WWTR1: variants seen among roughly 807,000 people sequenced by gnomAD.
WWTR1 encodes the protein WW domain-containing transcription regulator protein 1.
A neutral mutation model predicts 40.1 loss-of-function variants in WWTR1; 13 were observed. The ratio of observed to expected loss-of-function variants is 0.32; its 90% CI spans 0.21 to 0.52. The LOEUF (loss-of-function observed/expected upper bound fraction) is 0.52. WWTR1 is among the 20% of genes least tolerant of loss of function. The pLI is 0.97. For missense variants in WWTR1, 436 were observed against 523.1 expected (o/e 0.83, Z 1.63); for synonymous variants, 230 against 210.1 (o/e 1.09, Z -0.82).
chr3:149,549,307 T>C (rs1222171877), intron 3 of WWTR1, among the ~76,000 whole-genome samples: 1 of 152,192 alleles, frequency 6.6e-6, no homozygotes, highest in Non-Finnish European at 1.5e-5. Context: ...TGACAAGTCA[T>C]GATAATGGTG....
intron 5 of WWTR1, among the ~76,000 whole-genome samples, chr3:149,714,334 C>T (rs563196833): frequency 1.3e-5 from 2 of 152,314 alleles, no homozygotes; most frequent in East Asian, 1.9e-4. Flanking sequence ...CAGAACCAGG[C>T]ATCTCTGAAC....
chr3:149,672,123 C>CA (rs146384349), intron 1 of WWTR1, among the ~76,000 whole-genome samples: 4,809 of 151,646 alleles, frequency 0.032, 156 homozygotes, highest in East Asian at 0.13. Flanking sequence ...TAAAAGGCTA[C>CA]AAAAAAACAA....
At chr3:149,617,540 CTATAAT>C (rs1740041575) in intron 2 of WWTR1, among the ~76,000 whole-genome samples, 1 of 152,220 alleles carries the variant, frequency 6.6e-6, no homozygotes, top group Non-Finnish European at 1.5e-5. Flanking sequence ...TGGCTCATGC[CTATAAT>C]CCCAGCACTT....
At chr3:149,549,563 C>A (rs921001230) in intron 3 of WWTR1, among the ~76,000 whole-genome samples, 3 of 152,172 alleles carry the variant, frequency 2.0e-5, no homozygotes, top group South Asian at 2.1e-4. Flanking sequence ...GGGGGCTGAG[C>A]GCCATGGCTC....
chr3:149,618,149 G>A (rs2108079722), intron 2 of WWTR1, among the ~76,000 whole-genome samples: 1 of 152,318 alleles, frequency 6.6e-6, no homozygotes, highest in East Asian at 1.9e-4. Flanking sequence ...CAAAGATAAA[G>A]CCTGTGCTCT....
At chr3:149,690,578 T>C (rs1714791034) in intron 1 of WWTR1, among the ~76,000 whole-genome samples, 1 of 152,184 alleles carries the variant, frequency 6.6e-6, no homozygotes, top group African/African-American at 2.4e-5. Flanking sequence ...ATTATAAATA[T>C]ATACATGCAC....
chr3:149,675,409 GCCATTTTGTAACCAAGAGGGCAGCTGGC>G (rs1417826203), intron 1 of WWTR1, among the ~76,000 whole-genome samples: 1 of 152,200 alleles, frequency 6.6e-6, no homozygotes, highest in Non-Finnish European at 1.5e-5. Context: ...ATCTCTGGCA[GCCATTTTGTAACCAAGAGGGCAGCTGGC>G]CTGAAGATGA....
chr3:149,656,944 G>A lies in WWTR1; in HGVS notation c.363C>T (p.Thr121=), dbSNP rs1175051723. The change falls in exon 2 of 7, where the codon ACC becomes ACT. Residue 121 remains threonine (T), a synonymous_variant. Transcript: ENST00000360632. The stretch of plus-strand genomic sequence containing the variant: ...AGCCCGGGGGCAGTGGCAGCTCGTC[G>A]GTCACGTCGTAGGACTGCTGGCGGA... ...AHLRQQSYDV[T]DELPLPPGWE... 1.9e-6 allele frequency: 3 copies of A among 1,577,702 alleles called. No homozygotes were observed. The highest frequency in any genetic ancestry group is 1.2e-5 in the South Asian group (1 of 86,390).
Position 149,519,150 on chromosome 3 carries a change from T to G in WWTR1, c.*1655A>C, listed in dbSNP as rs903885645. The G allele has an allele frequency of 6.6e-6, 1 of 152,174 alleles. No individual in the cohort carries two copies. Among genetic ancestry groups the G allele is most frequent in the African/African-American group, 2.4e-5 (1 of 41,460 alleles). 9.4% of individuals were successfully genotyped at this position (152,174 alleles called of 1,614,324 possible). A position where few individuals can be genotyped will look rare whatever the true frequency, so the allele number is the denominator to read the frequency against. ...ATATTAGTTCAAAATATTAAACAGT[T>G]GAGGACTTCATTGGCAATGCAGGCA... is the stretch of plus-strand genomic sequence containing the variant. On this transcript the variant is annotated 3_prime_UTR_variant, in exon 7 of 7. Coordinates refer to ENST00000360632, the MANE Select transcript of WWTR1 (RefSeq NM_015472.6).
chr3:149,564,778 AT>A (rs1407494668), intron 3 of WWTR1, among the ~76,000 whole-genome samples: 3 of 152,216 alleles, frequency 2.0e-5, no homozygotes, highest in Non-Finnish European at 4.4e-5. Context: ...TTTCAAAAAA[AT>A]AGAAGTATAA....
chr3:149,699,067 C>T (rs988827041), intron 1 of WWTR1, among the ~76,000 whole-genome samples: 2 of 152,216 alleles, frequency 1.3e-5, no homozygotes, highest in African/African-American at 4.8e-5. Context: ...TATTCTGCAG[C>T]CTGCTTGTGT....
intron 3 of WWTR1, among the ~76,000 whole-genome samples, chr3:149,559,696 C>T (rs935428918): frequency 1.3e-5 from 2 of 152,178 alleles, no homozygotes; most frequent in Non-Finnish European, 1.5e-5. Context: ...GGCCATTGTT[C>T]TGTGGCACTG....
chr3:149,618,390 A>T lies in WWTR1; in HGVS notation c.431+38486T>A, dbSNP rs1362092063. On this transcript the variant is annotated intron_variant, in intron 2 of 6. Transcript: ENST00000360632. ...GGAGAACAACATCTCTCGAGCATCC[A>T]TCTGTGCTGGTCTTGGTGCCAGCGA... 2.6e-5 allele frequency among the ~76,000 whole-genome samples: 4 copies of T among 152,162 alleles called. No individual in the cohort carries two copies. The East Asian group carries it at 7.7e-4, about 29-fold the overall frequency.
chr3:149,534,214 T>A (rs1023415965), intron 4 of WWTR1, among the ~76,000 whole-genome samples: 4 of 152,094 alleles, frequency 2.6e-5, no homozygotes, highest in African/African-American at 9.7e-5. Context: ...AAAAACGTGT[T>A]ATTTCATCTC....
At chr3:149,666,127 T>C (rs1713806433) in intron 2 of WWTR1, among the ~76,000 whole-genome samples, 1 of 152,202 alleles carries the variant, frequency 6.6e-6, no homozygotes, top group South Asian at 2.1e-4. Context: ...ACAGATCTGG[T>C]TACACTAGCT....
In WWTR1 at chr3:149,562,695, C is replaced by A. The variant is rs552280336; in HGVS notation, c.568+10169G>T. ...TTTAGCACTTAAGGAGAAAGACAAT[C>A]AAGGCTTTTGTTTTCCTGAGGCTTC... On this transcript the variant is annotated intron_variant, in intron 3 of 6. Transcript: ENST00000360632. 2.0e-5 allele frequency among the ~76,000 whole-genome samples: 3 copies of A among 149,844 alleles called. No homozygotes were observed. In the East Asian group the frequency reaches 6.0e-4, roughly 30 times the overall value.
chr3:149,653,747 G>A (rs547698681), intron 2 of WWTR1, among the ~76,000 whole-genome samples: 35 of 152,170 alleles, frequency 2.3e-4, no homozygotes, highest in Non-Finnish European at 3.8e-4. Context: ...GAAAGGTGTC[G>A]GTGGGGAAAA....
intron 2 of WWTR1, 26 bp downstream of exon 2, chr3:149,656,850 C>T (rs778981033): frequency 5.3e-6 from 8 of 1,500,290 alleles, no homozygotes; most frequent in Admixed American, 2.3e-5. Flanking sequence ...TGACTTGGTG[C>T]CTTCTTCGGC....
At chr3:149,610,012 A>G (rs1167243966) in intron 2 of WWTR1, among the ~76,000 whole-genome samples, 2 of 152,202 alleles carry the variant, frequency 1.3e-5, no homozygotes, top group African/African-American at 4.8e-5. Flanking sequence ...CACTTTTACA[A>G]TGAAGGGCTC....
Sources: gnomAD v4.1 joint callset for allele counts (sites outside exome capture counted in the v4.1 genomes callset) on GRCh38, gnomAD v4.1.1 for gene constraint, MANE v1.5 for transcripts, NCBI Gene and HGNC (gene_info 2026-07-23, HGNC 2026-07-21) for gene names.